The following ABLIM2 variants were observed in gnomAD, a reference collection of about 807,000 sequenced individuals.
ABLIM2 encodes the protein actin-binding LIM protein 2.
Under a neutral mutation model 97.7 loss-of-function variants are expected in ABLIM2, and 53 were observed. The observed-to-expected ratio is 0.54, with a 90% CI of 0.44 to 0.68. ABLIM2 has a LOEUF of 0.68. Among genes scored for constraint, ABLIM2 ranks in the 30% least tolerant of loss-of-function variants. The probability of loss-of-function intolerance (pLI) is 0.00; values close to 1 mark genes in which losing one functional copy is unlikely to be tolerated. For missense variants in ABLIM2, 835 were observed against 867.2 expected, an observed-to-expected ratio of 0.96 and a Z score of 0.47; for synonymous variants, 361 against 345.8, an observed-to-expected ratio of 1.04 and a Z score of -0.49.
In ABLIM2 at chr4:8,004,527, C is replaced by T. The variant is rs558866424; in HGVS notation, c.1618+3532G>A. Among the ~76,000 whole-genome samples the T allele has an allele frequency of 1.4e-4, 21 of 152,172 alleles. No individual in the cohort carries two copies. Among genetic ancestry groups the T allele is most frequent in the African/African-American group, 5.1e-4 (21 of 41,522 alleles). On this transcript the variant is annotated intron_variant, in intron 16 of 20. Coordinates refer to ENST00000447017, the MANE Select transcript of ABLIM2 (RefSeq NM_001130083.2). The surrounding 1 kb of genome is among the most constrained non-coding windows in gnomAD (Gnocchi z 5.9). ...CCTCTGGGCAGTGCCTCAAGCTGCC[C>T]GGGGGTTTGTATTATGCTGACACGC...
rs1238380392 is a variant in ABLIM2, at chr4:8,019,965, G to A, written c.1369+237C>T. ...CCTTCACCCCATTCCCAGGAGGACAGGTGTATCTCCCTGCCGTTTGTGGGA... is the reference window on the plus strand; with the variant it reads ...CCTTCACCCCATTCCCAGGAGGACAAGTGTATCTCCCTGCCGTTTGTGGGA... On this transcript the variant is annotated intron_variant, in intron 13 of 20. Transcript: ENST00000447017. The surrounding 1 kb of genome is among the most constrained non-coding windows in gnomAD (Gnocchi z 4.3). Among the ~76,000 whole-genome samples the A allele has an allele frequency of 6.6e-6, 1 of 152,170 alleles. No homozygotes were observed. Among genetic ancestry groups the A allele is most frequent in the Non-Finnish European group, 1.5e-5 (1 of 68,028 alleles).
chr4:8,036,012 A>C, intron 10 of ABLIM2, 137 bp downstream of exon 10: 3 of 1,088,406 alleles, frequency 2.8e-6, no homozygotes, highest in Non-Finnish European at 3.9e-6. Context: ...ATGGGCGTGA[A>C]GAGGCTGAGC....
intron 20 of ABLIM2, among the ~76,000 whole-genome samples, chr4:7,976,878 TAC>T (rs958772307): frequency 4.0e-5 from 6 of 149,384 alleles, no homozygotes; most frequent in South Asian, 2.1e-4. Flanking sequence ...TACATAAACA[TAC>T]ACACACGCAT....
chr4:8,029,160 G>A (rs997146226), intron 11 of ABLIM2, among the ~76,000 whole-genome samples: 1 of 152,250 alleles, frequency 6.6e-6, no homozygotes, highest in East Asian at 1.9e-4. Context: ...CCATTCTCCC[G>A]TGAGGACAGC....
Position 8,044,065 on chromosome 4 carries a change from T to A in ABLIM2, c.900+1099A>T, listed in dbSNP as rs1261077595. Among the ~76,000 whole-genome samples the A allele has an allele frequency of 1.3e-5, 2 of 152,140 alleles. No homozygotes were observed. Among genetic ancestry groups the A allele is most frequent in the Non-Finnish European group, 2.9e-5 (2 of 67,998 alleles). On this transcript the variant is annotated intron_variant, in intron 9 of 20. Coordinates refer to ENST00000447017, the MANE Select transcript of ABLIM2 (RefSeq NM_001130083.2). This position sits in a 1 kb window ranked among gnomAD's most constrained non-coding sequence, Gnocchi z 4.4. ...GCACCCCTCAGTGGCACTGTCAGGATTAAGGTCAGGAAGGACCCTGTGTCC... is the reference window on the plus strand; with the variant it reads ...GCACCCCTCAGTGGCACTGTCAGGAATAAGGTCAGGAAGGACCCTGTGTCC...
rs1428289310 is a variant in ABLIM2, at chr4:8,120,318, C to T, written c.11-13681G>A. Among the ~76,000 whole-genome samples the T allele has an allele frequency of 6.6e-6, 1 of 152,130 alleles. No homozygotes were observed. The highest frequency in any genetic ancestry group is 1.5e-5 in the Non-Finnish European group (1 of 68,022). On this transcript the variant is annotated intron_variant, in intron 1 of 20. Coordinates refer to ENST00000447017, the MANE Select transcript of ABLIM2 (RefSeq NM_001130083.2). This position sits in a 1 kb window ranked among gnomAD's most constrained non-coding sequence, Gnocchi z 5.6. ...CAAGTGACTGTGTTCGGAGACGGGG[C>T]CTTCAAAGGTGTCGTTATGGTAAAG...
At chr4:8,080,195 A>C (rs1041116115) in intron 5 of ABLIM2, among the ~76,000 whole-genome samples, 12 of 152,148 alleles carry the variant, frequency 7.9e-5, no homozygotes, top group African/African-American at 2.9e-4. Context: ...GCTCTGCAGA[A>C]GACAGAGTGC....
At chr4:8,057,200 G>C (rs948912149) in intron 7 of ABLIM2, among the ~76,000 whole-genome samples, 1 of 149,858 alleles carries the variant, frequency 6.7e-6, no homozygotes, top group African/African-American at 2.5e-5. Flanking sequence ...CCAGGTTCAA[G>C]AGACTCTCAT....
At chr4:8,007,761 C>G in intron 16 of ABLIM2, 1 of 1,166,130 alleles carries the variant, frequency 8.6e-7, no homozygotes, top group Non-Finnish European at 1.1e-6. Flanking sequence ...ACGCCTTTCT[C>G]CTAAACAGCC....
chr4:8,139,811 T>C (rs916930157), intron 1 of ABLIM2, among the ~76,000 whole-genome samples: 5 of 152,186 alleles, frequency 3.3e-5, no homozygotes, highest in African/African-American at 9.7e-5. Context: ...TGTATATTCA[T>C]TGCAGCACTA....
chr4:7,977,347 AATGG>A (rs1734312583), intron 20 of ABLIM2, among the ~76,000 whole-genome samples: 1 of 151,868 alleles, frequency 6.6e-6, no homozygotes, highest in Non-Finnish European at 1.5e-5. Context: ...GCAGTGTAAA[AATGG>A]ATGAATACAC....
At chr4:7,990,622 T>C (rs1032664615) in intron 17 of ABLIM2, among the ~76,000 whole-genome samples, 2 of 152,146 alleles carry the variant, frequency 1.3e-5, no homozygotes, top group East Asian at 1.9e-4. Context: ...CCCAGAACCC[T>C]TTCTGGAAGT....
At chr4:8,086,419 C>G (rs1285806898) in intron 4 of ABLIM2, among the ~76,000 whole-genome samples, 1 of 149,672 alleles carries the variant, frequency 6.7e-6, no homozygotes, top group Non-Finnish European at 1.5e-5. Context: ...GCAATCCCAG[C>G]TCACTGCAAT....
At position 8,005,658 on chromosome 4, in the gene ABLIM2, C is replaced by T. The variant is rs1056755557; in HGVS notation, c.1618+2401G>A. On this transcript the variant is annotated intron_variant, in intron 16 of 20. Coordinates refer to ENST00000447017, the MANE Select transcript of ABLIM2 (RefSeq NM_001130083.2). This position sits in a 1 kb window ranked among gnomAD's most constrained non-coding sequence, Gnocchi z 4.9. ...AAGGCTCACCTGATCCAGGCACAGC[C>T]GGCAGTCTGGGTCCTCGCTGCCATT... Among the ~76,000 whole-genome samples, 2 of 152,208 alleles carry T rather than the reference C, an allele frequency of 1.3e-5. No homozygotes were observed. The highest frequency in any genetic ancestry group is 2.4e-5 in the African/African-American group (1 of 41,446).
At chr4:8,093,601 T>C (rs140184771) in intron 3 of ABLIM2, among the ~76,000 whole-genome samples, 1 of 152,344 alleles carries the variant, frequency 6.6e-6, no homozygotes, top group African/African-American at 2.4e-5. Context: ...TTTAGCAGTC[T>C]TGCCTTCATT....
rs1052069487 is a variant in ABLIM2 at position 8,046,080 on chromosome 4, C to G, written c.823-839G>C. ...CTGGCAGCCACTCTCCCAACTGCAC[C>G]TGTGGGCTTGTCCTGGCCTTTTTGC... On this transcript the variant is annotated intron_variant, in intron 8 of 20. Transcript: ENST00000447017. This position sits in a 1 kb window ranked among gnomAD's most constrained non-coding sequence, Gnocchi z 4.4. 6.6e-6 allele frequency among the ~76,000 whole-genome samples: 1 copy of G among 152,220 alleles called. No homozygotes were observed. The highest frequency in any genetic ancestry group is 6.5e-5 in the Admixed American group (1 of 15,292).
intron 17 of ABLIM2, among the ~76,000 whole-genome samples, chr4:7,985,581 C>T (rs1743216763): frequency 6.6e-6 from 1 of 152,172 alleles, no homozygotes; most frequent in Non-Finnish European, 1.5e-5. Context: ...CCCTGGAAAC[C>T]GTGGTACTCA....
chr4:8,039,011 C>T (rs898107096), intron 9 of ABLIM2, among the ~76,000 whole-genome samples: 50 of 152,134 alleles, frequency 3.3e-4, no homozygotes, highest in African/African-American at 1.2e-3. Flanking sequence ...CAGCGAAGGC[C>T]CCTCCTCGAG....
intron 20 of ABLIM2, among the ~76,000 whole-genome samples, chr4:7,971,035 G>A (rs1313346292): frequency 2.0e-5 from 3 of 152,092 alleles, no homozygotes; most frequent in African/African-American, 7.2e-5. Context: ...GGGGCTCTCC[G>A]CAGCAGGGGG....
Sources: allele counts gnomAD v4.1 joint callset (sites outside exome capture counted in the v4.1 genomes callset), GRCh38; gene constraint gnomAD v4.1.1; non-coding constraint Gnocchi (gnomAD v3.1); transcripts MANE v1.5; gene names NCBI Gene and HGNC (gene_info 2026-07-23, HGNC 2026-07-21).